RALYL: variants seen among roughly 807,000 people sequenced by gnomAD.
The protein encoded by RALYL is RALY RNA binding protein like.
A neutral mutation model predicts 35.1 loss-of-function variants in RALYL; 29 were observed. The observed-to-expected ratio is 0.83, with a 90% CI of 0.61 to 1.13. The LOEUF (loss-of-function observed/expected upper bound fraction) is 1.13. Ranked by LOEUF, RALYL falls within the 50% of genes most tolerant of loss-of-function variation. The probability of loss-of-function intolerance (pLI) is 0.00; values close to 1 mark genes in which losing one functional copy is unlikely to be tolerated. For synonymous variants in RALYL, 120 were observed against 127.6 expected (o/e 0.94, Z 0.40); for missense variants, 359 against 360.4 (o/e 1.00, Z 0.03).
chr8:84,724,077 GTTT>G (rs1023038989), intron 2 of RALYL, among the ~76,000 whole-genome samples: 12 of 151,846 alleles, frequency 7.9e-5, no homozygotes, highest in African/African-American at 2.9e-4. Flanking sequence ...TGTTGAGTCT[GTTT>G]TTATTATACT....
chr8:84,799,838 C>G (rs1235321132), intron 3 of RALYL, among the ~76,000 whole-genome samples: 2 of 152,164 alleles, frequency 1.3e-5, no homozygotes, highest in Admixed American at 6.5e-5. Flanking sequence ...CACCTGTAGT[C>G]CCAGCTACTC....
At chr8:84,773,999 G>T (rs1816224840) in intron 2 of RALYL, among the ~76,000 whole-genome samples, 1 of 152,122 alleles carries the variant, frequency 6.6e-6, no homozygotes, top group Non-Finnish European at 1.5e-5. Context: ...CAGGAGAATT[G>T]CTTGAGGCCA....
chr8:84,238,280 G>T (rs969016624), intron 1 of RALYL, among the ~76,000 whole-genome samples: 48 of 152,102 alleles, frequency 3.2e-4, no homozygotes, highest in African/African-American at 1.0e-3. Flanking sequence ...TCCAGAAATT[G>T]ATCGTATACA....
intron 1 of RALYL, among the ~76,000 whole-genome samples, chr8:84,296,167 T>A (rs1172688865): frequency 6.6e-6 from 1 of 152,100 alleles, no homozygotes; most frequent in African/African-American, 2.4e-5. Flanking sequence ...AGAAGTGATA[T>A]GTCTATGAGA....
At chr8:84,245,340 A>T (rs888721042) in intron 1 of RALYL, among the ~76,000 whole-genome samples, 9 of 152,212 alleles carry the variant, frequency 5.9e-5, no homozygotes, top group African/African-American at 1.9e-4. Context: ...AAGGAGGACA[A>T]TGGACTTTAA....
chr8:84,364,649 G>A (rs943232686), intron 1 of RALYL, among the ~76,000 whole-genome samples: 1 of 152,054 alleles, frequency 6.6e-6, no homozygotes, highest in Admixed American at 6.6e-5. Flanking sequence ...GTGTGTAAAA[G>A]TTGTGTATAT....
chr8:84,412,636 T>G (rs1324172214), intron 1 of RALYL, among the ~76,000 whole-genome samples: 8 of 152,016 alleles, frequency 5.3e-5, no homozygotes, highest in African/African-American at 1.9e-4. Flanking sequence ...TTCCTTTAAT[T>G]TCAGCCTCTA....
In RALYL at chr8:84,807,976, T is replaced by C. The variant is rs561528633; in HGVS notation, c.365+3174T>C. Among the ~76,000 whole-genome samples the C allele has an allele frequency of 1.4e-4, 21 of 152,318 alleles. No individual in the cohort carries two copies. In the South Asian group the frequency reaches 4.3e-3, roughly 32 times the overall value. On this transcript the variant is annotated intron_variant, in intron 4 of 8. Transcript: ENST00000521268. ...CCCACTCTGTGGGTTGTCTGTTCACTCTCTTCTTTTTGCCATGCAAAAGCT... is the reference window on the plus strand; with the variant it reads ...CCCACTCTGTGGGTTGTCTGTTCACCCTCTTCTTTTTGCCATGCAAAAGCT...
chr8:84,206,212 AT>A (rs1168288023), intron 1 of RALYL, among the ~76,000 whole-genome samples: 1 of 152,192 alleles, frequency 6.6e-6, no homozygotes, highest in African/African-American at 2.4e-5. Flanking sequence ...ACTGTGGGAA[AT>A]ACTAAGAGTA....
chr8:84,703,958 C>T (rs193188186), intron 2 of RALYL, among the ~76,000 whole-genome samples: 4 of 152,104 alleles, frequency 2.6e-5, no homozygotes, highest in Admixed American at 1.3e-4. Flanking sequence ...TGAGAACTCA[C>T]GTAATGAGAG....
intron 1 of RALYL, among the ~76,000 whole-genome samples, chr8:84,440,696 T>C (rs906314636): frequency 2.0e-5 from 3 of 152,070 alleles, no homozygotes; most frequent in African/African-American, 7.2e-5. Flanking sequence ...AATATTATTT[T>C]CCTTTTTATG....
intron 1 of RALYL, among the ~76,000 whole-genome samples, chr8:84,254,972 A>G (rs1386167450): frequency 4.6e-5 from 7 of 152,016 alleles, no homozygotes; most frequent in African/African-American, 7.2e-5. Flanking sequence ...AACTGCTTCC[A>G]TGATCCAATT....
chr8:84,421,989 G>T (rs187932202), intron 1 of RALYL, among the ~76,000 whole-genome samples: 1 of 152,132 alleles, frequency 6.6e-6, no homozygotes, highest in African/African-American at 2.4e-5. Flanking sequence ...TTTTCATCAA[G>T]GTTATTGGTC....
intron 2 of RALYL, among the ~76,000 whole-genome samples, chr8:84,711,414 G>T (rs1281206583): frequency 1.3e-5 from 2 of 152,124 alleles, no homozygotes; most frequent in Non-Finnish European, 2.9e-5. Context: ...AAGGCATGCA[G>T]TCATTGACTG....
intron 2 of RALYL, among the ~76,000 whole-genome samples, chr8:84,620,876 G>A (rs1821199291): frequency 6.6e-6 from 1 of 152,170 alleles, no homozygotes; most frequent in Admixed American, 6.5e-5. Flanking sequence ...GTGTGCCCCT[G>A]CTGGGGGGTG....
intron 2 of RALYL, among the ~76,000 whole-genome samples, chr8:84,643,220 C>T (rs964194134): frequency 2.0e-5 from 3 of 151,664 alleles, no homozygotes; most frequent in South Asian, 2.1e-4. Flanking sequence ...TGAGTCTGAA[C>T]CAACCAAAAC....
intron 2 of RALYL, among the ~76,000 whole-genome samples, chr8:84,773,282 G>A (rs1345212322): frequency 2.0e-5 from 3 of 152,116 alleles, no homozygotes; most frequent in Non-Finnish European, 4.4e-5. Context: ...TTCTTTAAAA[G>A]GATACATTTA....
chr8:84,918,477 T>C (rs914247636), intron 8 of RALYL, among the ~76,000 whole-genome samples: 1 of 152,010 alleles, frequency 6.6e-6, no homozygotes, highest in Non-Finnish European at 1.5e-5. Flanking sequence ...AAAGCATTCA[T>C]CATCAGGAGA....
chr8:84,871,630 G>C (rs963258035), intron 6 of RALYL, among the ~76,000 whole-genome samples: 1 of 152,098 alleles, frequency 6.6e-6, no homozygotes, highest in Non-Finnish European at 1.5e-5. Flanking sequence ...TGAAGTAATT[G>C]ACATGAGGAG....
Sources: gnomAD v4.1 joint callset for allele counts (sites outside exome capture counted in the v4.1 genomes callset) on GRCh38, gnomAD v4.1.1 for gene constraint, MANE v1.5 for transcripts, NCBI Gene and HGNC (gene_info 2026-07-23, HGNC 2026-07-21) for gene names.